DCLRE1C: variants seen among roughly 807,000 people sequenced by gnomAD.
The protein encoded by DCLRE1C is DNA cross-link repair 1C, also known as protein artemis.
Under a neutral mutation model 61.4 loss-of-function variants are expected in DCLRE1C, and 47 were observed. The ratio of observed to expected loss-of-function variants is 0.77; its 90% CI spans 0.61 to 0.98. DCLRE1C has a LOEUF of 0.98. Among genes scored for constraint, DCLRE1C ranks in the 50% least tolerant of loss-of-function variants. DCLRE1C has a pLI of 0.00. For synonymous variants in DCLRE1C, 337 were observed against 287.6 expected, an observed-to-expected ratio of 1.17 and a Z score of -1.74; for missense variants, 858 against 816.0, an observed-to-expected ratio of 1.05 and a Z score of -0.63.
At chr10:14,937,064 A>G (rs1317032020) in intron 4 of DCLRE1C, among the ~76,000 whole-genome samples, 1 of 152,228 alleles carries the variant, frequency 6.6e-6, no homozygotes, top group Non-Finnish European at 1.5e-5. Flanking sequence ...CACATGTTGT[A>G]TGATTCCACT....
In DCLRE1C at chr10:14,934,362, A is replaced by C. The variant is rs775176227; in HGVS notation, c.678+18T>G. 36 of 1,612,152 alleles carry C rather than the reference A, an allele frequency of 2.2e-5. No homozygotes were observed. Among genetic ancestry groups the C allele is most frequent in the Non-Finnish European group, 2.8e-5 (33 of 1,179,702 alleles). On this transcript the variant is annotated intron_variant, in intron 8 of 13. Transcript: ENST00000378278. Reference sequence around the variant, plus strand: ...AAAAAAAGAAAAAAGAAAAGAAAAGAATGAACAGTCACCATACCTGGACTC... The same window carrying C: ...AAAAAAAGAAAAAAGAAAAGAAAAGCATGAACAGTCACCATACCTGGACTC...
intron 4 of DCLRE1C, among the ~76,000 whole-genome samples, chr10:14,937,162 G>C (rs923290368): frequency 2.6e-5 from 4 of 152,086 alleles, no homozygotes; most frequent in Non-Finnish European, 5.9e-5. Flanking sequence ...GGAGAGAATA[G>C]GGAGGGATTG....
chr10:14,908,165 CTTT>C lies in DCLRE1C; in HGVS notation c.*240_*242del, dbSNP rs750020058. ...CAGAGTAGCCCACCACCATGCCTGG[CTTT>C]TTTTTTTTTTTTTTTTTTTGTAAGT... On this transcript the variant is annotated 3_prime_UTR_variant, in exon 14 of 14. Coordinates refer to ENST00000378278, the MANE Select transcript of DCLRE1C (RefSeq NM_001033855.3). 1,702 of 196,136 alleles carry C rather than the reference CTTT, an allele frequency of 8.7e-3. No individual in the cohort carries two copies. Among genetic ancestry groups the C allele is most frequent in the South Asian group, 0.011 (187 of 17,066 alleles). 12.1% of individuals were successfully genotyped at this position (196,136 alleles called of 1,614,324 possible).
At chr10:14,914,955 T>C (rs1365636559) in intron 13 of DCLRE1C, among the ~76,000 whole-genome samples, 1 of 146,600 alleles carries the variant, frequency 6.8e-6, no homozygotes, top group African/African-American at 2.6e-5. Context: ...AAAAAAAAAA[T>C]CATACAAAGT....
chr10:14,902,693 T>C, downstream of DCLRE1C: 5 of 472,812 alleles, frequency 1.1e-5, no homozygotes, highest in South Asian at 1.2e-4. Context: ...CTGGGTCTCA[T>C]AGACTGATAT....
chr10:14,936,167 T>C (rs1423562542), intron 5 of DCLRE1C, among the ~76,000 whole-genome samples: 1 of 152,002 alleles, frequency 6.6e-6, no homozygotes, highest in African/African-American at 2.4e-5. Flanking sequence ...GTGCCGGGAT[T>C]ACAGGTGTGA....
Position 14,953,935 on chromosome 10 carries a change from C to A in DCLRE1C, c.76G>T (p.Ala26Ser). 1 of 1,614,060 alleles carries A rather than the reference C, an allele frequency of 6.2e-7. No homozygotes were observed. Among genetic ancestry groups the A allele is most frequent in the Non-Finnish European group, 8.5e-7 (1 of 1,179,928 alleles). Residue 26 changes from alanine to serine, a missense_variant, in exon 1 of 14, where the codon GCC becomes TCC. Ala to Ser is a moderately conservative substitution (Grantham distance 99). This residue lies in a region of DCLRE1C where 843 missense variants were observed against 783.5 expected (regional missense o/e 1.08). Coordinates refer to ENST00000378278, the MANE Select transcript of DCLRE1C (RefSeq NM_001033855.3). ...CAGTGGGACAGGAAGTAGGCGCGGGCCCTCAGGTTCTCCCTATCGAAGCGG... is the reference window on the plus strand; with the variant it reads ...CAGTGGGACAGGAAGTAGGCGCGGGACCTCAGGTTCTCCCTATCGAAGCGG... The part of the protein sequence containing the change: ...IDRFDRENLR[A>S]RAYFLSHCHK...
intron 3 of DCLRE1C, among the ~76,000 whole-genome samples, chr10:14,943,798 G>A (rs1447295073): frequency 3.3e-5 from 5 of 152,132 alleles, no homozygotes; most frequent in African/African-American, 4.8e-5. Context: ...TGCCCGCCTC[G>A]GCCTCCCAAA....
At chr10:14,949,875 T>A (rs933131816) in intron 1 of DCLRE1C, among the ~76,000 whole-genome samples, 1 of 151,432 alleles carries the variant, frequency 6.6e-6, no homozygotes, top group African/African-American at 2.4e-5. Flanking sequence ...TAAAACCCCA[T>A]CTCTACTAAA....
chr10:14,920,344 A>G, intron 12 of DCLRE1C: 1 of 1,022,652 alleles, frequency 9.8e-7, no homozygotes, highest in Non-Finnish European at 1.2e-6. Flanking sequence ...GATAAAATAC[A>G]AAAAGGCAGA....
At position 14,945,097 on chromosome 10, in the gene DCLRE1C, A is replaced by C; in HGVS notation, c.246+8T>G. 6.2e-7 allele frequency: 1 copy of C among 1,604,306 alleles called. No individual in the cohort carries two copies. The highest frequency in any genetic ancestry group is 1.1e-5 in the South Asian group (1 of 89,288). ...AAAAAATTAAGTTATTAAAAAAATAAAACTTACAATTCGTTTCTTCCAAAA... is the reference window on the plus strand; with the variant it reads ...AAAAAATTAAGTTATTAAAAAAATACAACTTACAATTCGTTTCTTCCAAAA... On this transcript the variant is annotated splice_region_variant and intron_variant, in intron 3 of 13. Coordinates refer to ENST00000378278, the MANE Select transcript of DCLRE1C (RefSeq NM_001033855.3).
chr10:14,952,284 T>C (rs1842563200), intron 1 of DCLRE1C, among the ~76,000 whole-genome samples: 1 of 152,072 alleles, frequency 6.6e-6, no homozygotes, highest in Non-Finnish European at 1.5e-5. Flanking sequence ...GGATTCTCAA[T>C]GAAAAACAAA....
chr10:14,927,003 T>G (rs1227967571), intron 10 of DCLRE1C, 106 bp from the exon 11 acceptor site: 16 of 869,184 alleles, frequency 1.8e-5, no homozygotes, highest in Non-Finnish European at 3.0e-5. Flanking sequence ...ACCACTCTAA[T>G]GGGCTCGCTT....
chr10:14,954,124 A>T, upstream of DCLRE1C: 2 of 1,556,662 alleles, frequency 1.3e-6, no homozygotes, highest in Non-Finnish European at 8.7e-7. Flanking sequence ...TGGGCGGCCG[A>T]ACGCAGCCAC....
intron 3 of DCLRE1C, among the ~76,000 whole-genome samples, chr10:14,940,309 GATGC>G (rs1443831691): frequency 8.5e-5 from 12 of 140,664 alleles, no homozygotes; most frequent in Admixed American, 3.9e-4. Context: ...TTTTTTCTCA[GATGC>G]ATTCTCGCTC....
At chr10:14,935,264 C>T (rs1839717468) in intron 6 of DCLRE1C, among the ~76,000 whole-genome samples, 199 bp downstream of exon 6, 1 of 151,934 alleles carries the variant, frequency 6.6e-6, no homozygotes, top group Non-Finnish European at 1.5e-5. Context: ...GTCAGGAGTT[C>T]AAGACCAGCC....
chr10:14,937,877 G>C (rs372830162), intron 4 of DCLRE1C, among the ~76,000 whole-genome samples: 125 of 131,792 alleles, frequency 9.5e-4, no homozygotes, highest in South Asian at 5.4e-3. Flanking sequence ...CTGGGCGACA[G>C]AGTAAGGCTC....
At chr10:14,927,119 C>T (rs41298892) in intron 10 of DCLRE1C, among the ~76,000 whole-genome samples, 1,575 of 152,250 alleles carry the variant, frequency 0.01, 30 homozygotes, top group African/African-American at 0.036. Context: ...TGGTGGCTCA[C>T]GCCTATAATC....
Position 14,909,036 on chromosome 10 carries a change from C to A in DCLRE1C, c.1451G>T (p.Gly484Val), listed in dbSNP as rs1413176372. 4.3e-6 allele frequency: 7 copies of A among 1,614,010 alleles called. No homozygotes were observed. The highest frequency in any genetic ancestry group is 5.1e-6 in the Non-Finnish European group (6 of 1,180,008). Residue 484 changes from glycine (G) to valine (V), a missense_variant, in exon 14 of 14, where the codon GGG becomes GTG. Transcript: ENST00000378278. ...GSVLHLQKADGDVPQWEVFFK... is the reference protein window; with the variant it reads ...GSVLHLQKADVDVPQWEVFFK... Reference sequence around the variant, plus strand: ...GAATACTTCCCACTGGGGTACATCCCCATCAGCCTTTTGCAGGTGAAGTAC... The same window carrying A: ...GAATACTTCCCACTGGGGTACATCCACATCAGCCTTTTGCAGGTGAAGTAC...
Sources: gnomAD v4.1 joint callset for allele counts (sites outside exome capture counted in the v4.1 genomes callset) on GRCh38, gnomAD v4.1.1 for gene constraint, gnomAD v4.1.1 regional missense constraint, MANE v1.5 for transcripts, NCBI Gene and HGNC (gene_info 2026-07-23, HGNC 2026-07-21) for gene names.